Variants in CES5A observed in about 807,000 individuals in gnomAD.
CES5A encodes carboxylesterase 5A.
A neutral mutation model predicts 62.9 loss-of-function variants in CES5A; 67 were observed. That is an observed-to-expected ratio of 1.07 (90% CI 0.88 to 1.31). The LOEUF is 1.31. Ranked by LOEUF, CES5A falls within the 50% of genes most tolerant of loss-of-function variation. The pLI, the probability that CES5A is intolerant of heterozygous loss-of-function variation, is 0.00. For synonymous variants in CES5A, 296 were observed against 280.8 expected, an observed-to-expected ratio of 1.05 and a Z score of -0.54; for missense variants, 748 against 708.5, an observed-to-expected ratio of 1.06 and a Z score of -0.63.
intron 1 of CES5A, among the ~76,000 whole-genome samples, chr16:55,950,952 A>G (rs2034549683): frequency 6.6e-6 from 1 of 151,712 alleles, no homozygotes; most frequent in African/African-American, 2.4e-5. Flanking sequence ...AATACAAAAA[A>G]TTAGCCAGGC....
intron 1 of CES5A, among the ~76,000 whole-genome samples, chr16:55,922,854 A>G (rs1048660191): frequency 6.6e-6 from 1 of 151,890 alleles, no homozygotes; most frequent in Non-Finnish European, 1.5e-5. Context: ...TTTTGATGAC[A>G]TGGAGTAAAA....
At chr16:55,899,161 T>C (rs1225172421) in intron 1 of CES5A, among the ~76,000 whole-genome samples, 1 of 152,166 alleles carries the variant, frequency 6.6e-6, no homozygotes, top group African/African-American at 2.4e-5. Flanking sequence ...CCCTAGGTCC[T>C]GATGCTAACA....
upstream of CES5A, among the ~76,000 whole-genome samples, chr16:55,878,908 C>T (rs879527826): frequency 6.7e-6 from 1 of 148,218 alleles, no homozygotes; most frequent in African/African-American, 2.5e-5. Context: ...TCACTGCACC[C>T]TACCACTGCA....
intron 1 of CES5A, among the ~76,000 whole-genome samples, chr16:55,924,746 G>A (rs1489235038): frequency 2.0e-5 from 3 of 151,858 alleles, no homozygotes; most frequent in Non-Finnish European, 4.4e-5. Flanking sequence ...AAACAGAGTA[G>A]AGAACACAGA....
At chr16:55,928,989 T>G (rs1166980503), upstream of CES5A, among the ~76,000 whole-genome samples, 1 of 152,138 alleles carries the variant, frequency 6.6e-6, no homozygotes, top group African/African-American at 2.4e-5. Context: ...AGCCACAGCC[T>G]GCAGGACCAT....
intron 2 of CES5A, among the ~76,000 whole-genome samples, chr16:55,935,835 C>T (rs558496647): frequency 1.3e-5 from 2 of 151,804 alleles, no homozygotes; most frequent in Non-Finnish European, 1.5e-5. Flanking sequence ...TCCACCTAGT[C>T]CTTCTGGCAA....
At chr16:55,932,874 A>G (rs1380831188) in intron 2 of CES5A, among the ~76,000 whole-genome samples, 1 of 152,238 alleles carries the variant, frequency 6.6e-6, no homozygotes, top group African/African-American at 2.4e-5. Context: ...TAAAGAATGA[A>G]TTTGGGGGAT....
intron 1 of CES5A, among the ~76,000 whole-genome samples, chr16:55,909,936 T>A (rs2034077527): frequency 6.6e-6 from 1 of 152,164 alleles, no homozygotes; most frequent in Admixed American, 6.5e-5. Context: ...CTGAGCCTGT[T>A]AGACACATTG....
intron 11 of CES5A, among the ~76,000 whole-genome samples, chr16:55,847,954 G>A (rs1198695028): frequency 1.3e-5 from 2 of 152,110 alleles, no homozygotes; most frequent in African/African-American, 4.8e-5. Context: ...CTGTCACCCA[G>A]GCTGGAGTGC....
intron 2 of CES5A, among the ~76,000 whole-genome samples, chr16:55,946,537 G>C (rs898073850): frequency 3.9e-5 from 6 of 152,148 alleles, no homozygotes; most frequent in African/African-American, 9.7e-5. Context: ...CAGTTCCTAT[G>C]AGCAGCTGAC....
chr16:55,926,925 T>G (rs1475465769), upstream of CES5A, among the ~76,000 whole-genome samples: 2 of 152,192 alleles, frequency 1.3e-5, no homozygotes, highest in Admixed American at 6.5e-5. Flanking sequence ...TCTTTAGAAT[T>G]GTACTGGTAA....
At chr16:55,942,541 T>C (rs2034456516) in intron 2 of CES5A, among the ~76,000 whole-genome samples, 2 of 152,224 alleles carry the variant, frequency 1.3e-5, no homozygotes, top group Non-Finnish European at 2.9e-5. Flanking sequence ...CAATACAAAA[T>C]GTGGAACCTA....
At chr16:55,855,730 G>C (rs539867159) in intron 9 of CES5A, among the ~76,000 whole-genome samples, 58 of 152,324 alleles carry the variant, frequency 3.8e-4, no homozygotes, top group African/African-American at 1.4e-3. Flanking sequence ...TCAAGGTCTG[G>C]TTCGGCTGCT....
upstream of CES5A, among the ~76,000 whole-genome samples, chr16:55,929,172 A>G (rs1333779222): frequency 6.6e-6 from 1 of 152,206 alleles, no homozygotes; most frequent in Non-Finnish European, 1.5e-5. Context: ...AAGGGAACAG[A>G]TTAGGGTTTA....
intron 7 of CES5A, among the ~76,000 whole-genome samples, chr16:55,860,599 G>A (rs1236540252): frequency 2.6e-5 from 4 of 152,178 alleles, no homozygotes; most frequent in Non-Finnish European, 5.9e-5. Context: ...GACTGTAGGT[G>A]TCTCCCTGAG....
chr16:55,885,601 C>A (rs1353567942), intron 1 of CES5A, among the ~76,000 whole-genome samples: 2 of 152,140 alleles, frequency 1.3e-5, no homozygotes, highest in Non-Finnish European at 2.9e-5. Flanking sequence ...AGCCGGGAAG[C>A]CTATGTCAAT....
At chr16:55,866,184 CT>C (rs2033457229) in intron 4 of CES5A, 68 bp from the exon 5 acceptor site, 2 of 1,506,786 alleles carry the variant, frequency 1.3e-6, no homozygotes. Flanking sequence ...CCTGGAAGTT[CT>C]CAGCAGAGGC....
chr16:55,880,148 G>A (rs539528141), upstream of CES5A, among the ~76,000 whole-genome samples: 17 of 152,296 alleles, frequency 1.1e-4, 1 homozygote, highest in South Asian at 2.3e-3. Context: ...AGCCCACCTC[G>A]GATTTAAGCC....
At chr16:55,879,676 A>G (rs574256613), upstream of CES5A, among the ~76,000 whole-genome samples, 7 of 152,224 alleles carry the variant, frequency 4.6e-5, no homozygotes, top group South Asian at 1.5e-3. Flanking sequence ...GTGGCATGAC[A>G]AACTCCTGGG....
Sources: allele counts gnomAD v4.1 joint callset (sites outside exome capture counted in the v4.1 genomes callset), GRCh38; gene constraint gnomAD v4.1.1; transcripts MANE v1.5; gene names NCBI Gene and HGNC (gene_info 2026-07-23, HGNC 2026-07-21).